PDE2A: variants seen among roughly 807,000 people sequenced by gnomAD.
PDE2A encodes the protein phosphodiesterase 2A, also known as cGMP-dependent 3',5'-cyclic phosphodiesterase.
In PDE2A, 53 loss-of-function variants were observed where a neutral mutation model predicts 133.6. That is an observed-to-expected ratio of 0.40 (90% confidence interval 0.32 to 0.50). PDE2A has a LOEUF of 0.50. Among genes scored for constraint, PDE2A ranks in the 20% least tolerant of loss-of-function variants. The probability of loss-of-function intolerance (pLI) is 0.73; values close to 1 mark genes in which losing one functional copy is unlikely to be tolerated. For synonymous variants in PDE2A, 491 were observed against 490.2 expected (o/e 1.00, Z -0.02); for missense variants, 796 against 1,232.4 (o/e 0.65, Z 5.30).
intron 4 of PDE2A, chr11:72,598,742 C>G: frequency 8.0e-7 from 1 of 1,243,034 alleles, no homozygotes; most frequent in Non-Finnish European, 1.0e-6. Context: ...CTAGACAAAT[C>G]GAGGACCAAA....
rs1035326028 is a variant in PDE2A at position 72,583,313 on chromosome 11, C to A, written c.1728+125G>T. 10 of 698,114 alleles carry A rather than the reference C, an allele frequency of 1.4e-5. No individual in the cohort carries two copies. The Admixed American group carries it at 2.3e-4, about 16-fold the overall frequency. 43.2% of individuals were successfully genotyped at this position (698,114 alleles called of 1,614,324 possible). On this transcript the variant is annotated intron_variant, in intron 20 of 30. Transcript: ENST00000334456. ...GGGTGGGAGCTGCCCCTAAGGAGGGCAGGAGGCCTGCTGTGGCTCTGGGCC... is the reference window on the plus strand; with the variant it reads ...GGGTGGGAGCTGCCCCTAAGGAGGGAAGGAGGCCTGCTGTGGCTCTGGGCC...
intron 1 of PDE2A, among the ~76,000 whole-genome samples, chr11:72,660,141 T>A (rs149175939): frequency 2.0e-5 from 3 of 152,364 alleles, no homozygotes; most frequent in African/African-American, 7.2e-5. Context: ...TTCTTAATTG[T>A]CATGGTGGTT....
At chr11:72,636,157 C>A in intron 2 of PDE2A, 2 of 1,148,266 alleles carry the variant, frequency 1.7e-6, no homozygotes, top group Non-Finnish European at 2.2e-6. Flanking sequence ...AGGGGCCCTG[C>A]CGGCTACTCT....
intron 1 of PDE2A, among the ~76,000 whole-genome samples, chr11:72,671,772 G>A (rs341061): frequency 0.48 from 72,669 of 151,872 alleles, 17,803 homozygotes; most frequent in Middle Eastern, 0.68. Flanking sequence ...CAGCCAAAGG[G>A]TAGTGATGAA....
chr11:72,663,726 CA>C (rs35814877), intron 1 of PDE2A, among the ~76,000 whole-genome samples: 60,718 of 111,468 alleles, frequency 0.54, 13,361 homozygotes, highest in Middle Eastern at 0.73. Context: ...AAGACTGTCT[CA>C]AAAAAAAAAA....
chr11:72,662,102 G>C (rs1855084170), intron 1 of PDE2A, among the ~76,000 whole-genome samples: 1 of 152,196 alleles, frequency 6.6e-6, no homozygotes, highest in Non-Finnish European at 1.5e-5. Flanking sequence ...TTGTATGTTT[G>C]TGGCCAGGTC....
intron 1 of PDE2A, among the ~76,000 whole-genome samples, chr11:72,645,103 A>G (rs1565190442): frequency 1.3e-5 from 2 of 152,156 alleles, no homozygotes; most frequent in Admixed American, 6.5e-5. Context: ...CTACAGCTCA[A>G]TGACTGGGGT....
chr11:72,599,604 C>A (rs759693400), intron 4 of PDE2A, among the ~76,000 whole-genome samples: 18 of 152,208 alleles, frequency 1.2e-4, no homozygotes, highest in Non-Finnish European at 2.4e-4. Context: ...TTTCCCTGAA[C>A]CCTGAAGCAG....
intron 17 of PDE2A, 36 bp downstream of exon 17, chr11:72,584,836 C>A (rs1313789169): frequency 1.2e-6 from 2 of 1,610,928 alleles, no homozygotes. Context: ...CTCCCGGACA[C>A]CCCTAGGGCC....
chr11:72,606,194 T>A (rs1006531987), intron 3 of PDE2A, among the ~76,000 whole-genome samples: 2 of 151,874 alleles, frequency 1.3e-5, no homozygotes, highest in Non-Finnish European at 2.9e-5. Flanking sequence ...CAAGCAGAAC[T>A]GGCAACCCTT....
Position 72,578,968 on chromosome 11 carries a change from G to A in PDE2A, c.2398C>T (p.Leu800Phe). Residue 800 changes from leucine to phenylalanine, a missense_variant, in exon 28 of 31, where the codon CTC (leucine) becomes TTC (phenylalanine). By Grantham distance (22) the Leu-to-Phe change is conservative. Transcript: ENST00000334456. This position sits in a 1 kb window ranked among gnomAD's most constrained non-coding sequence, Gnocchi z 4.2. ...TCACAGGAGGTCATGAGGAGGCAGA[G>A]GAGAAGTCTGTGGTGCTGCTTGTTG... is the stretch of plus-strand genomic sequence containing the variant. ...RNNKQHHRLL[L>F]CLLMTSCDLS... is the part of the protein sequence containing the mutation. 1 of 1,614,018 alleles carries A rather than the reference G, an allele frequency of 6.2e-7. No homozygotes were observed. Among genetic ancestry groups the A allele is most frequent in the Non-Finnish European group, 8.5e-7 (1 of 1,179,854 alleles).
At chr11:72,591,019 G>A in intron 7 of PDE2A, 1 of 449,210 alleles carries the variant, frequency 2.2e-6, no homozygotes, top group East Asian at 3.9e-5. Context: ...CCATCAAAAA[G>A]TCGAAAATTG....
In PDE2A at chr11:72,584,330, G is replaced by C; in HGVS notation, c.1538-17C>G. The C allele has an allele frequency of 6.6e-7, 1 of 1,515,728 alleles. No homozygotes were observed. The highest frequency in any genetic ancestry group is 1.4e-5 in the African/African-American group (1 of 73,022). 93.9% of individuals were successfully genotyped at this position (1,515,728 alleles called of 1,614,324 possible). On this transcript the variant is annotated splice_polypyrimidine_tract_variant and intron_variant, in intron 18 of 30. Transcript: ENST00000334456. ...CGATGACCTCTGGGGAAGGGAGAGG[G>C]GCAAGGAACCACCGGTGGAGGGAGG...
At chr11:72,661,081 G>A (rs1487859630) in intron 1 of PDE2A, among the ~76,000 whole-genome samples, 1 of 152,106 alleles carries the variant, frequency 6.6e-6, no homozygotes, top group Non-Finnish European at 1.5e-5. Flanking sequence ...GAGGCAGGAG[G>A]ATCACCTGAG....
At chr11:72,580,347 T>C (rs1000826803) in intron 25 of PDE2A, among the ~76,000 whole-genome samples, 1 of 151,950 alleles carries the variant, frequency 6.6e-6, no homozygotes, top group Non-Finnish European at 1.5e-5. Context: ...AATGGGGTGT[T>C]CCCAGGCAGC....
chr11:72,601,701 C>T (rs1334351029), intron 4 of PDE2A, among the ~76,000 whole-genome samples: 1 of 152,126 alleles, frequency 6.6e-6, no homozygotes, highest in Non-Finnish European at 1.5e-5. Flanking sequence ...GAGCTGGGGC[C>T]TGAAACAGTC....
chr11:72,661,682 T>C (rs1855068710), intron 1 of PDE2A, among the ~76,000 whole-genome samples: 1 of 152,220 alleles, frequency 6.6e-6, no homozygotes, highest in Non-Finnish European at 1.5e-5. Flanking sequence ...GGCAACAGCA[T>C]GTGCGGCAGC....
chr11:72,642,953 C>G (rs56165063), intron 1 of PDE2A: 10,254 of 154,600 alleles, frequency 0.066, 1,149 homozygotes, highest in African/African-American at 0.23. Flanking sequence ...GGCCCTGGAG[C>G]AGTCGCCCAT....
chr11:72,664,174 C>T (rs1312654182), intron 1 of PDE2A, among the ~76,000 whole-genome samples: 2 of 152,116 alleles, frequency 1.3e-5, no homozygotes, highest in Non-Finnish European at 2.9e-5. Context: ...AGCTGGGGCA[C>T]TCTCCTCGGC....
Sources: gnomAD v4.1 joint callset for allele counts (sites outside exome capture counted in the v4.1 genomes callset) on GRCh38, gnomAD v4.1.1 for gene constraint, Gnocchi (gnomAD v3.1) non-coding constraint, MANE v1.5 for transcripts, NCBI Gene and HGNC (gene_info 2026-07-23, HGNC 2026-07-21) for gene names.